Variants in CCDC178 observed in about 807,000 individuals in gnomAD.
CCDC178 encodes coiled-coil domain-containing protein 178.
A neutral mutation model predicts 117.4 loss-of-function variants in CCDC178; 126 were observed. The observed-to-expected ratio is 1.07, with a 90% CI of 0.93 to 1.24. CCDC178 has a LOEUF of 1.24. Ranked by LOEUF, CCDC178 falls within the 50% of genes most tolerant of loss-of-function variation. The pLI is 0.00. For synonymous variants in CCDC178, 283 were observed against 313.4 expected (o/e 0.90, Z 1.02); for missense variants, 1,030 against 986.9 (o/e 1.04, Z -0.59).
intron 2 of CCDC178, among the ~76,000 whole-genome samples, chr18:33,434,147 A>T (rs2064258001): frequency 1.3e-5 from 2 of 152,126 alleles, no homozygotes; most frequent in Admixed American, 1.3e-4. Context: ...TCATTAAGAG[A>T]AACAGGTTTT....
chr18:33,266,087 A>T (rs920943627), intron 14 of CCDC178, among the ~76,000 whole-genome samples: 2 of 151,932 alleles, frequency 1.3e-5, no homozygotes, highest in African/African-American at 4.8e-5. Flanking sequence ...CATACATAAG[A>T]TCCTCCATAT....
intron 7 of CCDC178, among the ~76,000 whole-genome samples, chr18:33,355,850 C>T (rs546578536): frequency 6.6e-6 from 1 of 152,242 alleles, no homozygotes; most frequent in East Asian, 1.9e-4. Context: ...AAACACAATT[C>T]TTTGAGAATG....
At position 33,138,396 on chromosome 18, in the gene CCDC178, G is replaced by C. The variant is rs914910107; in HGVS notation, c.2239-45486C>G. 4.6e-5 allele frequency among the ~76,000 whole-genome samples: 7 copies of C among 152,242 alleles called. No individual in the cohort carries two copies. The East Asian group carries it at 9.7e-4, about 21-fold the overall frequency. ...CAGATGGTCAATCAGCCTGCACCTA[G>C]GGAGAAAATAACAAGTAGGCCTCAC... On this transcript the variant is annotated intron_variant, in intron 20 of 22. Transcript: ENST00000383096.
chr18:33,136,552 C>A (rs777599310), intron 20 of CCDC178, among the ~76,000 whole-genome samples: 5 of 152,026 alleles, frequency 3.3e-5, no homozygotes, highest in Non-Finnish European at 5.9e-5. Context: ...CAACAGGGAC[C>A]CTAGGGACAG....
chr18:33,141,560 T>C (rs1214885845), intron 20 of CCDC178, among the ~76,000 whole-genome samples: 1 of 152,214 alleles, frequency 6.6e-6, no homozygotes, highest in Non-Finnish European at 1.5e-5. Flanking sequence ...CTGGACATTT[T>C]CAGCAAGAAA....
chr18:32,967,765 T>A (rs2054845352), intron 22 of CCDC178, among the ~76,000 whole-genome samples: 2 of 151,896 alleles, frequency 1.3e-5, no homozygotes, highest in Non-Finnish European at 2.9e-5. Context: ...ATTTTTTGTT[T>A]TGTTTTTAAA....
intron 21 of CCDC178, among the ~76,000 whole-genome samples, chr18:33,027,007 A>G (rs1428959373): frequency 6.6e-6 from 1 of 151,928 alleles, no homozygotes; most frequent in Non-Finnish European, 1.5e-5. Flanking sequence ...ATAAAGTAAT[A>G]CTAACTATAC....
intron 3 of CCDC178, among the ~76,000 whole-genome samples, chr18:33,405,915 A>G (rs2063773831): frequency 6.6e-6 from 1 of 152,064 alleles, no homozygotes; most frequent in Admixed American, 6.6e-5. Context: ...GTGGAGTGGG[A>G]GTATATGCAA....
chr18:33,242,229 T>C (rs2059496795), intron 15 of CCDC178, among the ~76,000 whole-genome samples: 1 of 151,656 alleles, frequency 6.6e-6, no homozygotes, highest in Non-Finnish European at 1.5e-5. Flanking sequence ...AGAATGAAAC[T>C]AGACCCTCTA....
At chr18:33,287,605 C>T (rs546495437) in intron 12 of CCDC178, among the ~76,000 whole-genome samples, 12 of 152,064 alleles carry the variant, frequency 7.9e-5, no homozygotes, top group African/African-American at 2.7e-4. Flanking sequence ...AGGGCGAAAC[C>T]CCATCTCTAC....
At chr18:33,181,940 G>A (rs369042108) in intron 20 of CCDC178, among the ~76,000 whole-genome samples, 13 of 151,642 alleles carry the variant, frequency 8.6e-5, no homozygotes, top group South Asian at 6.2e-4. Flanking sequence ...ACACCATACC[G>A]TGTAATAAGG....
intron 21 of CCDC178, among the ~76,000 whole-genome samples, chr18:32,978,823 G>A (rs935120284): frequency 1.3e-5 from 2 of 152,138 alleles, no homozygotes; most frequent in South Asian, 2.1e-4. Context: ...GATCACCTGA[G>A]GTCAGGAGTT....
intron 4 of CCDC178, among the ~76,000 whole-genome samples, chr18:33,393,188 A>ACT: frequency 6.6e-6 from 1 of 151,978 alleles, no homozygotes; most frequent in African/African-American, 2.4e-5. Flanking sequence ...CTATGAGAAT[A>ACT]TTTCATATGT....
chr18:33,088,655 T>C (rs2057418105), intron 21 of CCDC178, among the ~76,000 whole-genome samples: 1 of 152,146 alleles, frequency 6.6e-6, no homozygotes, highest in Non-Finnish European at 1.5e-5. Context: ...ACAAGTGTTC[T>C]ATGAGGATCA....
chr18:33,187,797 C>T (rs1459798630), intron 20 of CCDC178, among the ~76,000 whole-genome samples: 3 of 152,018 alleles, frequency 2.0e-5, no homozygotes, highest in African/African-American at 7.2e-5. Flanking sequence ...AAACCCAAGA[C>T]CCAAAGTTGG....
intron 21 of CCDC178, among the ~76,000 whole-genome samples, chr18:33,035,685 A>ATC (rs756143653): frequency 2.6e-5 from 4 of 152,104 alleles, no homozygotes; most frequent in Non-Finnish European, 5.9e-5. Context: ...AACTTCAGGG[A>ATC]TCTATTGTAT....
intron 10 of CCDC178, among the ~76,000 whole-genome samples, chr18:33,328,675 T>C (rs1401382921): frequency 6.6e-6 from 1 of 152,154 alleles, no homozygotes. Context: ...TATTTCTTTA[T>C]ACTTAGGCAA....
intron 20 of CCDC178, among the ~76,000 whole-genome samples, chr18:33,110,441 C>G (rs1490674894): frequency 6.6e-6 from 1 of 151,478 alleles, no homozygotes; most frequent in Non-Finnish European, 1.5e-5. Context: ...ATGGTTGGTA[C>G]TTGTGTCTCA....
intron 3 of CCDC178, among the ~76,000 whole-genome samples, chr18:33,400,240 T>A: frequency 6.6e-6 from 1 of 151,984 alleles, no homozygotes; most frequent in East Asian, 1.9e-4. Context: ...ACATAATTCT[T>A]AAGGGCCCTA....
Sources: allele counts gnomAD v4.1 joint callset (sites outside exome capture counted in the v4.1 genomes callset), GRCh38; gene constraint gnomAD v4.1.1; transcripts MANE v1.5; gene names NCBI Gene and HGNC (gene_info 2026-07-23, HGNC 2026-07-21).